GBE1: variants seen among roughly 807,000 people sequenced by gnomAD.
The protein encoded by GBE1 is 1,4-alpha-glucan-branching enzyme.
Under a neutral mutation model 88.8 loss-of-function variants are expected in GBE1, and 70 were observed. The observed-to-expected ratio is 0.79, with a 90% confidence interval of 0.65 to 0.96. GBE1 has a LOEUF of 0.96. Among genes scored for constraint, GBE1 ranks in the 40% least tolerant of loss-of-function variants. The pLI, the probability that GBE1 is intolerant of heterozygous loss-of-function variation, is 0.00. For synonymous variants in GBE1, 284 were observed against 300.1 expected (o/e 0.95, Z 0.56); for missense variants, 872 against 871.0 (o/e 1.00, Z -0.01).
At chr3:81,761,323 C>G in intron 1 of GBE1, 52 bp downstream of exon 1, 2 of 1,564,090 alleles carry the variant, frequency 1.3e-6, no homozygotes, top group South Asian at 2.3e-5. Context: ...CGAGACGGCT[C>G]CTGGGAGGCG....
chr3:81,656,099 G>C (rs1453785942), intron 3 of GBE1, among the ~76,000 whole-genome samples: 2 of 152,076 alleles, frequency 1.3e-5, no homozygotes, highest in Non-Finnish European at 2.9e-5. Context: ...GAGTATGTGG[G>C]CAAGAATCTC....
intron 13 of GBE1, 74 bp from the exon 14 acceptor site, chr3:81,535,399 T>C (rs1175230949): frequency 7.1e-7 from 1 of 1,416,124 alleles, no homozygotes; most frequent in Admixed American, 2.5e-5. Context: ...TTTTTGTCTT[T>C]CTTAATAGTC....
At chr3:81,632,511 C>G (rs1434774825) in intron 7 of GBE1, among the ~76,000 whole-genome samples, 1 of 152,034 alleles carries the variant, frequency 6.6e-6, no homozygotes, top group Non-Finnish European at 1.5e-5. Context: ...AATGAGATAC[C>G]ATCTCATGCC....
At chr3:81,701,997 A>G (rs1705694860) in intron 2 of GBE1, among the ~76,000 whole-genome samples, 1 of 151,448 alleles carries the variant, frequency 6.6e-6, no homozygotes, top group Non-Finnish European at 1.5e-5. Flanking sequence ...AAAAAAAAAG[A>G]AAAAAAATCT....
chr3:81,620,568 C>T lies in GBE1; in HGVS notation c.992+22213G>A, dbSNP rs1187702975. 5.9e-5 allele frequency among the ~76,000 whole-genome samples: 9 copies of T among 151,906 alleles called. No individual in the cohort carries two copies. The East Asian group carries it at 1.4e-3, about 23-fold the overall frequency. On this transcript the variant is annotated intron_variant, in intron 7 of 15. Coordinates refer to ENST00000429644, the MANE Select transcript of GBE1 (RefSeq NM_000158.4). ...TTTTAGAAAGTATTCTAATAGTTAACGAGCATTTATTTGAGCACAAGCATA... is the reference window on the plus strand; with the variant it reads ...TTTTAGAAAGTATTCTAATAGTTAATGAGCATTTATTTGAGCACAAGCATA...
intron 7 of GBE1, among the ~76,000 whole-genome samples, chr3:81,616,789 A>T (rs1434692508): frequency 6.6e-6 from 1 of 152,130 alleles, no homozygotes; most frequent in African/African-American, 2.4e-5. Context: ...GAGAAAAATG[A>T]CATCTTTACT....
intron 14 of GBE1, 54 bp downstream of exon 14, chr3:81,535,141 T>C: frequency 7.0e-7 from 1 of 1,430,744 alleles, no homozygotes; most frequent in South Asian, 1.4e-5. Flanking sequence ...TGTCCTATAA[T>C]GTAATAAAGA....
intron 7 of GBE1, chr3:81,612,696 T>C (rs546488825): frequency 1.2e-5 from 6 of 515,814 alleles, no homozygotes; most frequent in African/African-American, 1.2e-4. Context: ...TTGTACTTCA[T>C]CACTGTGTTC....
chr3:81,628,711 C>A (rs1341355935), intron 7 of GBE1, among the ~76,000 whole-genome samples: 2 of 119,396 alleles, frequency 1.7e-5, no homozygotes, highest in Non-Finnish European at 3.4e-5. Context: ...AATAGCCTAC[C>A]CTTTAAAATA....
At chr3:81,570,109 C>G (rs1049577717) in intron 12 of GBE1, among the ~76,000 whole-genome samples, 1 of 152,132 alleles carries the variant, frequency 6.6e-6, no homozygotes, top group Non-Finnish European at 1.5e-5. Flanking sequence ...CATGACTGGC[C>G]TGCTTACTTA....
chr3:81,686,407 T>G (rs1705440729), intron 2 of GBE1, among the ~76,000 whole-genome samples: 3 of 152,100 alleles, frequency 2.0e-5, no homozygotes, highest in Non-Finnish European at 2.9e-5. Flanking sequence ...CCATTATTTT[T>G]GTTTCTTATT....
chr3:81,493,948 C>T (rs1302280950), intron 15 of GBE1, among the ~76,000 whole-genome samples: 1 of 151,952 alleles, frequency 6.6e-6, no homozygotes, highest in East Asian at 1.9e-4. Flanking sequence ...CACTCACTAA[C>T]TGATGCTGGT....
At chr3:81,676,845 C>A (rs1001039501) in intron 2 of GBE1, among the ~76,000 whole-genome samples, 1 of 152,000 alleles carries the variant, frequency 6.6e-6, no homozygotes, top group Admixed American at 6.6e-5. Flanking sequence ...AACAAGCTGA[C>A]AAAATTTAAA....
intron 6 of GBE1, among the ~76,000 whole-genome samples, chr3:81,643,355 T>C (rs1474272918): frequency 1.3e-5 from 2 of 152,094 alleles, no homozygotes; most frequent in South Asian, 4.1e-4. Flanking sequence ...GGTGTACATT[T>C]GAGATTGAGG....
intron 12 of GBE1, among the ~76,000 whole-genome samples, chr3:81,577,171 G>A (rs573959983): frequency 1.5e-4 from 22 of 151,530 alleles, no homozygotes; most frequent in African/African-American, 4.8e-4. Context: ...CTAACTCTTC[G>A]CCTCAAGCCA....
chr3:81,661,423 G>A (rs1355968047), intron 3 of GBE1, among the ~76,000 whole-genome samples: 1 of 152,042 alleles, frequency 6.6e-6, no homozygotes, highest in Non-Finnish European at 1.5e-5. Flanking sequence ...GAAAAAGAAT[G>A]CTTTTTATAA....
intron 12 of GBE1, among the ~76,000 whole-genome samples, chr3:81,547,112 C>T (rs946826605): frequency 1.9e-4 from 29 of 151,490 alleles, no homozygotes; most frequent in African/African-American, 6.3e-4. Context: ...ACTTTCGGCA[C>T]GTGGGGTGCA....
rs898210915 is a variant in GBE1 at position 81,733,315 on chromosome 3, A to G, written c.144-27702T>C. Among the ~76,000 whole-genome samples the G allele has an allele frequency of 6.6e-6, 1 of 152,002 alleles. No individual in the cohort carries two copies. Among genetic ancestry groups the G allele is most frequent in the African/African-American group, 2.4e-5 (1 of 41,394 alleles). On this transcript the variant is annotated intron_variant, in intron 1 of 15. Coordinates refer to ENST00000429644, the MANE Select transcript of GBE1 (RefSeq NM_000158.4). This position sits in a 1 kb window ranked among gnomAD's most constrained non-coding sequence, Gnocchi z 4.0. The stretch of plus-strand genomic sequence containing the variant: ...CAGGATCATCTAGTTGCAGGAAAAC[A>G]AGCTCAGGGCTCCCACCAATTCTAC...
chr3:81,722,894 G>GTATATATATATATATATA (rs757742488), intron 1 of GBE1, among the ~76,000 whole-genome samples: 11 of 135,028 alleles, frequency 8.1e-5, no homozygotes, highest in South Asian at 2.3e-4. Flanking sequence ...GTGTGTGTGT[G>GTATATATATATATATATA]TGTATATATA....
Sources: allele counts gnomAD v4.1 joint callset (sites outside exome capture counted in the v4.1 genomes callset), GRCh38; gene constraint gnomAD v4.1.1; non-coding constraint Gnocchi (gnomAD v3.1); transcripts MANE v1.5; gene names NCBI Gene and HGNC (gene_info 2026-07-23, HGNC 2026-07-21).